SEC31A: variants seen among roughly 807,000 people sequenced by gnomAD.
The protein encoded by SEC31A is protein transport protein Sec31A.
SEC31A carries 70 observed loss-of-function variants against 151.0 expected under a neutral mutation model. The ratio of observed to expected loss-of-function variants is 0.46; its 90% CI spans 0.38 to 0.57. SEC31A has a LOEUF of 0.57. SEC31A is among the 20% of genes least tolerant of loss of function. The probability of loss-of-function intolerance (pLI) is 0.00; values close to 1 mark genes in which losing one functional copy is unlikely to be tolerated. For missense variants in SEC31A, 1,330 were observed against 1,471.2 expected (o/e 0.90, Z 1.57); for synonymous variants, 475 against 505.9 (o/e 0.94, Z 0.82).
intron 1 of SEC31A, among the ~76,000 whole-genome samples, chr4:82,885,808 T>G (rs969387187): frequency 6.6e-6 from 1 of 152,218 alleles, no homozygotes; most frequent in Non-Finnish European, 1.5e-5. Context: ...TTCTCACTTT[T>G]GTTCCAGTCT....
Position 82,888,036 on chromosome 4 carries a change from ACT to A in SEC31A, c.-5+3050_-5+3051del, listed in dbSNP as rs200717042. ...ACTCCAGCCTGGGTGACAGAGCAAG[ACT>A]CTGTCTCAAAACAAACAAACAAACA... On this transcript the variant is annotated intron_variant, in intron 1 of 26. Transcript: ENST00000395310. Among the ~76,000 whole-genome samples the A allele has an allele frequency of 1.4e-3, 186 of 130,608 alleles. 2 individuals are homozygous for A. In the East Asian group the frequency reaches 0.032, roughly 23 times the overall value. The allele number at this position is 130,608 out of a possible 152,430, so 85.7% of individuals were successfully genotyped here. A position where few individuals can be genotyped will look rare whatever the true frequency, so the allele number is the denominator to read the frequency against.
In SEC31A at chr4:82,866,731, T is replaced by C. The variant is rs372532973; in HGVS notation, c.1197+77A>G. 6.3e-6 allele frequency: 8 copies of C among 1,266,444 alleles called. No individual in the cohort carries two copies. The East Asian group carries it at 1.0e-4, about 16-fold the overall frequency. The allele number at this position is 1,266,444 out of a possible 1,614,324, so 78.5% of individuals were successfully genotyped here. A position where few individuals can be genotyped will look rare whatever the true frequency, so the allele number is the denominator to read the frequency against. On this transcript the variant is annotated intron_variant, in intron 10 of 26. Transcript: ENST00000395310. ...CCAACTTAAACCCTGATTGCTTCCA[T>C]CAGAGTGACTCTATAATAACACTTT...
intron 22 of SEC31A, among the ~76,000 whole-genome samples, chr4:82,831,963 C>A (rs1175968352): frequency 6.6e-6 from 1 of 152,114 alleles, no homozygotes; most frequent in Non-Finnish European, 1.5e-5. Flanking sequence ...GAATCAGTAT[C>A]GTGAAAATGG....
intron 7 of SEC31A, 72 bp from the exon 8 acceptor site, chr4:82,870,496 G>T (rs3762902): frequency 0.77 from 945,556 of 1,222,514 alleles, 367,588 homozygotes; most frequent in Admixed American, 0.82. Flanking sequence ...TTCTGCCTAG[G>T]TTTTGTAGAT....
chr4:82,880,535 G>C (rs1481465300), intron 3 of SEC31A: 1 of 246,450 alleles, frequency 4.1e-6, no homozygotes, highest in Non-Finnish European at 7.7e-6. Flanking sequence ...GTTGCAGTGA[G>C]CCGAGATCGT....
At position 82,864,489 on chromosome 4, in the gene SEC31A, T is replaced by C. The variant is rs1734859389; in HGVS notation, c.1307A>G (p.Lys436Arg). 6.2e-7 allele frequency: 1 copy of C among 1,614,070 alleles called. No homozygotes were observed. The highest frequency in any genetic ancestry group is 1.1e-5 in the South Asian group (1 of 91,084). The stretch of plus-strand genomic sequence containing the variant: ...TTGGTCTGATCGGCTGAGGAACTCC[T>C]TTTCTGTTACAACCTGACTAATGAA... ...HVFISQVVTE[K>R]EFLSRSDQLQ... is the part of the protein sequence containing the mutation. Residue 436 changes from lysine (K) to arginine (R), a missense_variant, in exon 11 of 27, where the codon AAG (lysine) becomes AGG (arginine). Physicochemically the swap from Lys to Arg is conservative, Grantham distance 26. Coordinates refer to ENST00000395310, the MANE Select transcript of SEC31A (RefSeq NM_001077207.4).
intron 1 of SEC31A, among the ~76,000 whole-genome samples, chr4:82,889,733 T>C (rs1206268246): frequency 1.3e-5 from 2 of 152,192 alleles, no homozygotes; most frequent in Admixed American, 6.6e-5. Context: ...AGAATTTGCT[T>C]ATATAAAATT....
At chr4:82,837,338 A>T (rs888038389) in intron 22 of SEC31A, among the ~76,000 whole-genome samples, 1 of 151,582 alleles carries the variant, frequency 6.6e-6, no homozygotes, top group Non-Finnish European at 1.5e-5. Context: ...TTTTTATTTT[A>T]TTTTTTATAT....
intron 1 of SEC31A, chr4:82,890,716 ATTT>A: frequency 9.3e-7 from 1 of 1,073,904 alleles, no homozygotes; most frequent in Non-Finnish European, 1.1e-6. Context: ...TAATCCTGAG[ATTT>A]TTTTTCCTCT....
chr4:82,892,720 A>G (rs1206419373), upstream of SEC31A, among the ~76,000 whole-genome samples: 1 of 145,896 alleles, frequency 6.9e-6, no homozygotes, highest in Non-Finnish European at 1.5e-5. Flanking sequence ...ACTGATCATG[A>G]TGCACATCTT....
rs528166291 is a variant in SEC31A, at chr4:82,835,903, G to A, written c.2968+6237C>T. Among the ~76,000 whole-genome samples, 103 of 152,296 alleles carry A rather than the reference G, an allele frequency of 6.8e-4. No individual in the cohort carries two copies. In the Middle Eastern group the frequency reaches 0.02, roughly 30 times the overall value. On this transcript the variant is annotated intron_variant, in intron 22 of 26. Transcript: ENST00000395310. ...ATTACTACTTCAAACCCATTAGGAT[G>A]GCTATTGAAAAACAGAAAACACAAG...
intron 1 of SEC31A, among the ~76,000 whole-genome samples, chr4:82,888,046 A>AAAACAC (rs1741159593): frequency 6.8e-6 from 1 of 146,370 alleles, no homozygotes; most frequent in Non-Finnish European, 1.5e-5. Context: ...ACTCTGTCTC[A>AAAACAC]AAACAAACAA....
chr4:82,824,715 A>T (rs114648534), intron 24 of SEC31A, 41 bp from the exon 25 acceptor site: 48 of 1,603,146 alleles, frequency 3.0e-5, no homozygotes, highest in Admixed American at 2.8e-4. Flanking sequence ...AATGACCAGA[A>T]GCTACCTTAT....
chr4:82,900,569 C>T (rs1315078113), upstream of SEC31A: 2 of 551,076 alleles, frequency 3.6e-6, no homozygotes, highest in African/African-American at 2.0e-5. Context: ...CGGTCAAATG[C>T]ACGTCTTCAG....
chr4:82,885,938 C>T (rs558172072), intron 1 of SEC31A, among the ~76,000 whole-genome samples: 6 of 152,190 alleles, frequency 3.9e-5, no homozygotes, highest in South Asian at 2.1e-4. Context: ...ACATATGCTC[C>T]GAGTCTTGTA....
At chr4:82,869,115 TTTTA>T (rs1327834438) in intron 8 of SEC31A, among the ~76,000 whole-genome samples, 23 of 151,886 alleles carry the variant, frequency 1.5e-4, no homozygotes, top group Admixed American at 1.3e-3. Flanking sequence ...AAATTCCAAT[TTTTA>T]TTTATTTATT....
chr4:82,878,980 G>T, intron 3 of SEC31A, 52 bp from the exon 4 acceptor site: 2 of 1,407,554 alleles, frequency 1.4e-6, no homozygotes, highest in Non-Finnish European at 2.0e-6. Context: ...AATAAATGTA[G>T]ACAAAAAATT....
intron 1 of SEC31A, among the ~76,000 whole-genome samples, chr4:82,883,902 T>C (rs1739968370): frequency 6.6e-6 from 1 of 151,984 alleles, no homozygotes; most frequent in African/African-American, 2.4e-5. Flanking sequence ...ACATCTTTTT[T>C]TTGTATGACT....
Position 82,818,967 on chromosome 4 carries a change from T to C in SEC31A, c.*107A>G, listed in dbSNP as rs563103146. 10 of 803,452 alleles carry C rather than the reference T, an allele frequency of 1.2e-5. No individual in the cohort carries two copies. The highest frequency in any genetic ancestry group is 5.5e-5 in the East Asian group (2 of 36,658). 49.8% of individuals were successfully genotyped at this position (803,452 alleles called of 1,614,324 possible). A position where few individuals can be genotyped will look rare whatever the true frequency, so the allele number is the denominator to read the frequency against. On this transcript the variant is annotated 3_prime_UTR_variant, in exon 27 of 27. Coordinates refer to ENST00000395310, the MANE Select transcript of SEC31A (RefSeq NM_001077207.4). ...AAATAGTGTAAATGCTCTTGACTGG[T>C]TGCTATGCAAACATGCTAATGAGGA...
Sources: gnomAD v4.1 joint callset for allele counts (sites outside exome capture counted in the v4.1 genomes callset) on GRCh38, gnomAD v4.1.1 for gene constraint, MANE v1.5 for transcripts, NCBI Gene and HGNC (gene_info 2026-07-23, HGNC 2026-07-21) for gene names.